The following RECQL5 variants were observed in gnomAD, a reference collection of about 807,000 sequenced individuals.
RECQL5 encodes ATP-dependent DNA helicase Q5.
RECQL5 carries 88 observed loss-of-function variants against 103.4 expected under a neutral mutation model. The observed-to-expected ratio is 0.85, with a 90% confidence interval of 0.72 to 1.02. The LOEUF is 1.02. RECQL5 is among the 50% of genes least tolerant of loss of function. RECQL5 has a pLI of 0.00. For synonymous variants in RECQL5, 552 were observed against 507.9 expected (o/e 1.09, Z -1.17); for missense variants, 1,232 against 1,284.3 (o/e 0.96, Z 0.62).
intron 13 of RECQL5, 72 bp from the exon 14 acceptor site, chr17:75,630,349 C>T: frequency 1.5e-6 from 2 of 1,360,964 alleles, no homozygotes; most frequent in Non-Finnish European, 2.0e-6. Flanking sequence ...TCTTGCGGGA[C>T]TCCAGGCCTG....
chr17:75,643,669 C>T (rs1416435552), intron 8 of RECQL5, among the ~76,000 whole-genome samples: 2 of 152,350 alleles, frequency 1.3e-5, no homozygotes, highest in Non-Finnish European at 2.9e-5. Context: ...AAAGAATAAA[C>T]AGAAAGATGC....
At chr17:75,649,903 C>T (rs866098512) in intron 8 of RECQL5, 8 of 985,564 alleles carry the variant, frequency 8.1e-6, no homozygotes, top group Middle Eastern at 5.2e-4. Context: ...CCCAGCTCCC[C>T]GGAAGGTGAC....
At chr17:75,664,816 G>C (rs556406268) in intron 3 of RECQL5, among the ~76,000 whole-genome samples, 43 of 151,546 alleles carry the variant, frequency 2.8e-4, no homozygotes, top group Non-Finnish European at 4.4e-4. Context: ...GGGGGGCTGA[G>C]GCACAAGAAT....
chr17:75,629,594 C>G (rs1447968275), intron 15 of RECQL5, 114 bp downstream of exon 15: 3 of 1,505,654 alleles, frequency 2.0e-6, no homozygotes, highest in East Asian at 4.6e-5. Context: ...AGGGAAGAGG[C>G]AGGCAGGACC....
chr17:75,628,938 G>C lies in RECQL5; in HGVS notation c.2485C>G (p.Pro829Ala). The C allele has an allele frequency of 6.4e-7, 1 of 1,574,696 alleles. No individual in the cohort carries two copies. The highest frequency in any genetic ancestry group is 8.6e-7 in the Non-Finnish European group (1 of 1,167,180). Reference sequence around the variant, plus strand: ...TATGACTACCTGTACCCTTACCTTGGCCTCTCCCTGAGGCACTCCTCAGTC... The same window carrying C: ...TATGACTACCTGTACCCTTACCTTGCCCTCTCCCTGAGGCACTCCTCAGTC... ...PQTEECLRER[P>A]STCPPRDQGT... Residue 829 changes from proline to alanine, a missense_variant, in exon 16 of 20, where the codon CCA (proline) becomes GCA (alanine). Pro to Ala is a conservative substitution (Grantham distance 27). Transcript: ENST00000317905.
Position 75,629,030 on chromosome 17 carries a change from G to A in RECQL5, c.2393C>T (p.Pro798Leu), listed in dbSNP as rs373069844. Residue 798 changes from proline (P) to leucine (L), a missense_variant, in exon 16 of 20, where the codon CCG becomes CTG. Physicochemically the swap from Pro to Leu is moderately conservative, Grantham distance 98 (BLOSUM62 -3). Coordinates refer to ENST00000317905, the MANE Select transcript of RECQL5 (RefSeq NM_004259.7). ...CPSCEGVQGP[P>L]MAPEKYTGEE... ...CCCTGTGTACTTCTCTGGGGCCATC[G>A]GGGGTCCCTGAACCCCCTCACAGGA... 1.5e-5 allele frequency: 24 copies of A among 1,585,142 alleles called. No individual in the cohort carries two copies. The highest frequency in any genetic ancestry group is 2.2e-5 in the East Asian group (1 of 44,582).
intron 6 of RECQL5, among the ~76,000 whole-genome samples, chr17:75,659,100 T>G (rs532900693): frequency 1.1e-4 from 16 of 152,134 alleles, no homozygotes; most frequent in Non-Finnish European, 2.1e-4. Flanking sequence ...TCTTGCTCTG[T>G]CACCAGGCTG....
At chr17:75,630,885 GCT>G (rs774445986) in intron 11 of RECQL5, 48 bp from the exon 12 acceptor site, 6 of 1,541,832 alleles carry the variant, frequency 3.9e-6, no homozygotes, top group Non-Finnish European at 4.4e-6. Context: ...CACCTTCTGC[GCT>G]CTGAGGTCCC....
At chr17:75,654,750 G>A (rs2059595547) in intron 7 of RECQL5, among the ~76,000 whole-genome samples, 1 of 152,000 alleles carries the variant, frequency 6.6e-6, no homozygotes, top group South Asian at 2.1e-4. Context: ...ATCCTGAGTA[G>A]CTAGAACTAC....
Position 75,641,140 on chromosome 17 carries a change from C to G in RECQL5, c.1230-9472G>C, listed in dbSNP as rs201078296. On this transcript the variant is annotated intron_variant, in intron 8 of 19. Coordinates refer to ENST00000317905, the MANE Select transcript of RECQL5 (RefSeq NM_004259.7). ...GCTGGGGAGTCAGCTGTTTCAAAGA[C>G]TGGGTCAACTGCCTGGGCTTCTTCG... 655 of 583,426 alleles carry G rather than the reference C, an allele frequency of 1.1e-3. 7 individuals are homozygous for G. The South Asian group carries it at 0.018, about 16-fold the overall frequency. The allele number at this position is 583,426 out of a possible 1,614,324, so 36.1% of individuals were successfully genotyped here.
intron 8 of RECQL5, chr17:75,650,721 G>A (rs1191191303): frequency 6.2e-7 from 1 of 1,612,856 alleles, no homozygotes; most frequent in Non-Finnish European, 8.5e-7. Flanking sequence ...CCCATCGCCT[G>A]CAGATGCAGG....
intron 16 of RECQL5, 64 bp from the exon 17 acceptor site, chr17:75,628,826 C>T: frequency 6.2e-7 from 1 of 1,601,882 alleles, no homozygotes; most frequent in African/African-American, 1.3e-5. Context: ...CCCAGGAGGC[C>T]TAGGAGAGCC....
intron 15 of RECQL5, 27 bp from the exon 16 acceptor site, chr17:75,629,502 G>A (rs374014477): frequency 1.6e-5 from 24 of 1,500,546 alleles, no homozygotes; most frequent in Non-Finnish European, 2.0e-5. Flanking sequence ...GAGGAGAGGA[G>A]GTTCAGCCCA....
At chr17:75,633,002 C>T (rs531896072) in intron 8 of RECQL5, among the ~76,000 whole-genome samples, 2 of 152,256 alleles carry the variant, frequency 1.3e-5, no homozygotes, top group Non-Finnish European at 2.9e-5. Flanking sequence ...TGCAACACCC[C>T]GGTAAGGAAG....
At chr17:75,649,850 G>A in intron 8 of RECQL5, 1 of 985,440 alleles carries the variant, frequency 1.0e-6, no homozygotes, top group Non-Finnish European at 1.2e-6. Context: ...CAGATGCCTG[G>A]ACCCCAGCCC....
intron 8 of RECQL5, chr17:75,634,245 G>A (rs2148254188): frequency 3.0e-6 from 3 of 985,552 alleles, no homozygotes; most frequent in East Asian, 1.1e-4. Context: ...CAGGGAGGGA[G>A]CAGCAAGGGT....
rs1465427337 is a variant in RECQL5 at position 75,640,526 on chromosome 17, G to A, written c.1230-8858C>T. On this transcript the variant is annotated intron_variant, in intron 8 of 19. Transcript: ENST00000317905. This position sits in a 1 kb window ranked among gnomAD's most constrained non-coding sequence, Gnocchi z 4.6. The stretch of plus-strand genomic sequence containing the variant: ...TGGGTGATGGGCGGTGCTGGGGACT[G>A]GGCCCAGCAGTACCCCGGGATCCCA... Among the ~76,000 whole-genome samples the A allele has an allele frequency of 1.3e-5, 2 of 152,048 alleles. No individual in the cohort carries two copies. The highest frequency in any genetic ancestry group is 2.1e-4 in the South Asian group (1 of 4,828).
intron 8 of RECQL5, chr17:75,639,078 G>T (rs2059382580): frequency 2.0e-5 from 3 of 152,356 alleles, no homozygotes; most frequent in Admixed American, 2.0e-4. Flanking sequence ...CAGGCCAATT[G>T]CAGGGTGGAG....
In RECQL5 at chr17:75,627,017, G is replaced by C. The variant is rs2059101131; in HGVS notation, c.*405C>G. ...AAGGCTGGAAGCTGGCATCGTAATGGATGGGGGAGTGGGTGGAGGATCTGA... is the reference window on the plus strand; with the variant it reads ...AAGGCTGGAAGCTGGCATCGTAATGCATGGGGGAGTGGGTGGAGGATCTGA... On this transcript the variant is annotated 3_prime_UTR_variant, in exon 20 of 20. Transcript: ENST00000317905. 5.2e-6 allele frequency: 2 copies of C among 382,614 alleles called. No homozygotes were observed. Among genetic ancestry groups the C allele is most frequent in the South Asian group, 4.0e-5 (2 of 50,398 alleles). 23.7% of individuals were successfully genotyped at this position (382,614 alleles called of 1,614,324 possible). A position where few individuals can be genotyped will look rare whatever the true frequency, so the allele number is the denominator to read the frequency against.
Sources: gnomAD v4.1 joint callset for allele counts (sites outside exome capture counted in the v4.1 genomes callset) on GRCh38, gnomAD v4.1.1 for gene constraint, Gnocchi (gnomAD v3.1) non-coding constraint, MANE v1.5 for transcripts, NCBI Gene and HGNC (gene_info 2026-07-23, HGNC 2026-07-21) for gene names.